Variants in RAB20 observed in about 807,000 individuals in gnomAD.
RAB20 encodes the protein ras-related protein Rab-20.
In RAB20, 2 loss-of-function variants were observed where a neutral mutation model predicts 3.7. The ratio of observed to expected loss-of-function variants is 0.54; its 90% CI spans 0.22 to 1.69. The LOEUF (loss-of-function observed/expected upper bound fraction) is 1.69. RAB20 is among the 40% of genes most tolerant of loss of function. The probability of loss-of-function intolerance (pLI) is 0.19; values close to 1 mark genes in which losing one functional copy is unlikely to be tolerated. For missense variants in RAB20, 276 were observed against 311.9 expected, an observed-to-expected ratio of 0.88 and a Z score of 0.87; for synonymous variants, 126 against 130.8, an observed-to-expected ratio of 0.96 and a Z score of 0.25.
At chr13:110,532,563 G>C (rs777158188) in intron 1 of RAB20, among the ~76,000 whole-genome samples, 18 of 152,154 alleles carry the variant, frequency 1.2e-4, no homozygotes, top group African/African-American at 1.7e-4. Context: ...TATTAGTAGG[G>C]ACAGGGTTTC....
chr13:110,542,983 T>C (rs1178911952), intron 1 of RAB20, among the ~76,000 whole-genome samples: 1 of 152,228 alleles, frequency 6.6e-6, no homozygotes, highest in Non-Finnish European at 1.5e-5. Flanking sequence ...ATGACAGCCA[T>C]TCTAACAGGT....
At chr13:110,529,945 C>T (rs368881319) in intron 1 of RAB20, among the ~76,000 whole-genome samples, 1 of 152,352 alleles carries the variant, frequency 6.6e-6, no homozygotes, top group South Asian at 2.1e-4. Flanking sequence ...TCAATTACCC[C>T]TGGTGGTGAG....
At chr13:110,536,112 G>A (rs896355896) in intron 1 of RAB20, among the ~76,000 whole-genome samples, 1 of 152,130 alleles carries the variant, frequency 6.6e-6, no homozygotes, top group African/African-American at 2.4e-5. Flanking sequence ...GCAGACCCCC[G>A]GGGAGGAGAC....
Position 110,523,373 on chromosome 13 carries a change from A to G in RAB20, c.*292T>C. ...AAGGGGGCCGTTGGTGGCTGGCTGC[A>G]AAGGACCAGTGCCAGGCAGCGGGGC... On this transcript the variant is annotated 3_prime_UTR_variant, in exon 2 of 2. Transcript: ENST00000267328. The G allele has an allele frequency of 1.8e-6, 1 of 558,934 alleles. No individual in the cohort carries two copies. 34.6% of individuals were successfully genotyped at this position (558,934 alleles called of 1,614,324 possible).
intron 1 of RAB20, among the ~76,000 whole-genome samples, chr13:110,547,410 C>G (rs961292953): frequency 3.3e-5 from 5 of 152,254 alleles, no homozygotes; most frequent in African/African-American, 1.2e-4. Flanking sequence ...CAGGTTGAAA[C>G]TGTTTTTCAT....
At chr13:110,537,630 CAGA>C (rs1264299598) in intron 1 of RAB20, among the ~76,000 whole-genome samples, 5 of 151,746 alleles carry the variant, frequency 3.3e-5, no homozygotes, top group African/African-American at 7.3e-5. Flanking sequence ...CTCAATCAAG[CAGA>C]AGAACAGGGC....
At position 110,524,129 on chromosome 13, in the gene RAB20, C is replaced by T. The variant is rs1397852034; in HGVS notation, c.241G>A (p.Asp81Asn). The change falls in exon 2 of 2, where the codon GAT (aspartate) becomes AAT (asparagine). Residue 81 changes from aspartate (D) to asparagine (N), a missense_variant. Coordinates refer to ENST00000267328, the MANE Select transcript of RAB20 (RefSeq NM_017817.3). The stretch of plus-strand genomic sequence containing the variant: ...ACCAGGCTCTGCCGGTGATTCACAT[C>T]ATAGGTGAGGATGATGGCGGCCGCC... ...RGAAAIILTYDVNHRQSLVEL... is the reference protein window; with the variant it reads ...RGAAAIILTYNVNHRQSLVEL... 6.2e-7 allele frequency: 1 copy of T among 1,611,480 alleles called. No individual in the cohort carries two copies. Among genetic ancestry groups the T allele is most frequent in the Non-Finnish European group, 8.5e-7 (1 of 1,180,002 alleles).
chr13:110,532,163 A>C (rs1884552519), intron 1 of RAB20, among the ~76,000 whole-genome samples: 1 of 152,212 alleles, frequency 6.6e-6, no homozygotes, highest in East Asian at 1.9e-4. Flanking sequence ...CTGCCAGGGC[A>C]AGAGTGGGGC....
chr13:110,561,325 G>A (rs1380329247), intron 1 of RAB20, 23 bp downstream of exon 1: 1 of 1,572,224 alleles, frequency 6.4e-7, no homozygotes. Context: ...AGGGCGGTGT[G>A]GCTCATGCGG....
At chr13:110,524,665 C>A (rs940940305) in intron 1 of RAB20, among the ~76,000 whole-genome samples, 1 of 152,240 alleles carries the variant, frequency 6.6e-6, no homozygotes, top group Non-Finnish European at 1.5e-5. Context: ...CTCCTTTACA[C>A]CCCCTGGGTG....
At chr13:110,526,509 T>C (rs1884433082) in intron 1 of RAB20, among the ~76,000 whole-genome samples, 1 of 152,190 alleles carries the variant, frequency 6.6e-6, no homozygotes, top group Non-Finnish European at 1.5e-5. Flanking sequence ...CCCATGTCAC[T>C]CTGAGGGCAA....
At chr13:110,540,277 G>T (rs1418039797) in intron 1 of RAB20, among the ~76,000 whole-genome samples, 1 of 152,206 alleles carries the variant, frequency 6.6e-6, no homozygotes, top group Non-Finnish European at 1.5e-5. Flanking sequence ...ATACTCTGTT[G>T]TCCTGTAATA....
chr13:110,541,768 G>C (rs1884766591), intron 1 of RAB20, among the ~76,000 whole-genome samples: 1 of 151,952 alleles, frequency 6.6e-6, no homozygotes, highest in Non-Finnish European at 1.5e-5. Context: ...ACTTCCCTAA[G>C]GGCTAGCTGA....
chr13:110,547,986 G>A (rs1358171621), intron 1 of RAB20, among the ~76,000 whole-genome samples: 1 of 152,148 alleles, frequency 6.6e-6, no homozygotes, highest in Non-Finnish European at 1.5e-5. Flanking sequence ...TCCCATAGCA[G>A]GTATTCTATA....
Position 110,561,641 on chromosome 13 carries a change from T to C in RAB20, c.-122A>G. On this transcript the variant is annotated 5_prime_UTR_variant, in exon 1 of 2. Coordinates refer to ENST00000267328, the MANE Select transcript of RAB20 (RefSeq NM_017817.3). ...CCGGGACCCGGATTCTCGTGAACGC[T>C]CCGGGACCTTCGCCTCCGGACGCCC... 3 of 1,420,080 alleles carry C rather than the reference T, an allele frequency of 2.1e-6. No individual in the cohort carries two copies. The highest frequency in any genetic ancestry group is 1.8e-6 in the Non-Finnish European group (2 of 1,084,978). 88.0% of individuals were successfully genotyped at this position (1,420,080 alleles called of 1,614,324 possible).
intron 1 of RAB20, among the ~76,000 whole-genome samples, chr13:110,558,063 CA>C (rs1885068992): frequency 6.6e-6 from 1 of 152,260 alleles, no homozygotes; most frequent in Non-Finnish European, 1.5e-5. Context: ...AACGAGGGCC[CA>C]AACAGTGCCC....
At chr13:110,548,732 CCACCT>C (rs1412550062) in intron 1 of RAB20, among the ~76,000 whole-genome samples, 1 of 152,024 alleles carries the variant, frequency 6.6e-6, no homozygotes, top group Non-Finnish European at 1.5e-5. Flanking sequence ...TGACAAAAAC[CCACCT>C]CAAATCTGCA....
intron 1 of RAB20, among the ~76,000 whole-genome samples, chr13:110,559,322 C>T (rs1054175662): frequency 6.8e-6 from 1 of 147,778 alleles, no homozygotes; most frequent in Non-Finnish European, 1.5e-5. Context: ...ACAACAAAAA[C>T]AACTTGAAAA....
rs1370145401 is a variant in RAB20, at chr13:110,526,012, C to T, written c.173-1815G>A. 3.9e-5 allele frequency among the ~76,000 whole-genome samples: 6 copies of T among 152,354 alleles called. No individual in the cohort carries two copies. The East Asian group carries it at 5.8e-4, about 15-fold the overall frequency. ...CTCCCAACCACACCTGCCGGGGGCA[C>T]GCTTTCGAAGAGGAATGAGACTGAG... On this transcript the variant is annotated intron_variant, in intron 1 of 1. Transcript: ENST00000267328.
Sources: allele counts gnomAD v4.1 joint callset (sites outside exome capture counted in the v4.1 genomes callset), GRCh38; gene constraint gnomAD v4.1.1; transcripts MANE v1.5; gene names NCBI Gene and HGNC (gene_info 2026-07-23, HGNC 2026-07-21).